Variants in PCDHGB4 observed in about 807,000 individuals in gnomAD.
The protein encoded by PCDHGB4 is protocadherin gamma subfamily B, 4, also known as protocadherin gamma-B4.
A neutral mutation model predicts 60.5 loss-of-function variants in PCDHGB4; 38 were observed. That is an observed-to-expected ratio of 0.63 (90% CI 0.48 to 0.82). The LOEUF is 0.82. Ranked by LOEUF, PCDHGB4 falls within the 40% of genes least tolerant of loss-of-function variation. PCDHGB4 has a pLI of 0.00. For synonymous variants in PCDHGB4, 456 were observed against 509.7 expected (o/e 0.89, Z 1.42); for missense variants, 1,109 against 1,209.6 (o/e 0.92, Z 1.23).
At position 141,490,162 on chromosome 5, in the gene PCDHGB4, A is replaced by G. The variant is rs1371128858; in HGVS notation, c.2398-4645A>G. The G allele has an allele frequency of 1.2e-6, 2 of 1,614,218 alleles. No individual in the cohort carries two copies. The highest frequency in any genetic ancestry group is 1.7e-6 in the Non-Finnish European group (2 of 1,180,028). ...TGGGGCAATCCATGTGTTGGGTCCCATAGACTTTGAGGAGTCACGTTTCTA... is the reference window on the plus strand; with the variant it reads ...TGGGGCAATCCATGTGTTGGGTCCCGTAGACTTTGAGGAGTCACGTTTCTA... On this transcript the variant is annotated intron_variant, in intron 1 of 3. Transcript: ENST00000519479. This position sits in a 1 kb window ranked among gnomAD's most constrained non-coding sequence, Gnocchi z 5.4.
intron 1 of PCDHGB4, among the ~76,000 whole-genome samples, chr5:141,439,459 A>C (rs558086952): frequency 6.6e-6 from 1 of 152,222 alleles, no homozygotes. Flanking sequence ...GCAAGACTGC[A>C]CTGCTGCCTT....
intron 1 of PCDHGB4, chr5:141,484,946 C>T (rs2154580274): frequency 3.6e-6 from 2 of 561,448 alleles, no homozygotes; most frequent in Non-Finnish European, 6.4e-6. Flanking sequence ...CTCTGCTCAG[C>T]CTATTGGCTG....
rs758428464 is a variant in PCDHGB4 at position 141,389,405 on chromosome 5, G to A, written c.1521G>A (p.Ala507=). 9.9e-6 allele frequency: 16 copies of A among 1,613,614 alleles called. No homozygotes were observed. ...TGTCATCCTACGTGTCCATAAGCGC[G>A]GAGAGCGGGGTGGTGTTCGCGCAGC... The part of the protein sequence containing the change: ...RELSSYVSIS[A]ESGVVFAQRA... Residue 507 remains alanine (A), a synonymous_variant, in exon 1 of 4, where the codon GCG becomes GCA. Coordinates refer to ENST00000519479, the MANE Select transcript of PCDHGB4 (RefSeq NM_003736.4).
chr5:141,439,012 A>G (rs968054607), intron 1 of PCDHGB4, among the ~76,000 whole-genome samples: 4 of 151,916 alleles, frequency 2.6e-5, no homozygotes, highest in South Asian at 2.1e-4. Context: ...TTTGTTTGTC[A>G]AATTTTGAAA....
chr5:141,420,993 C>T (rs956578377), intron 1 of PCDHGB4: 2 of 501,412 alleles, frequency 4.0e-6, no homozygotes, highest in Non-Finnish European at 7.0e-6. Context: ...GGCGCCGCTG[C>T]TCACCAATCA....
At chr5:141,494,171 G>A (rs72790068) in intron 1 of PCDHGB4, among the ~76,000 whole-genome samples, 9,520 of 152,240 alleles carry the variant, frequency 0.063, 348 homozygotes, top group South Asian at 0.11. Flanking sequence ...TTCTAGGGGT[G>A]AGAAGTGTCC....
In PCDHGB4 at chr5:141,389,430, C is replaced by T. The variant is rs2091763189; in HGVS notation, c.1546C>T (p.Arg516Cys). 6.2e-7 allele frequency: 1 copy of T among 1,610,546 alleles called. No homozygotes were observed. The highest frequency in any genetic ancestry group is 8.5e-7 in the Non-Finnish European group (1 of 1,178,388). The change falls in exon 1 of 4, where the codon CGC becomes TGC. Residue 516 changes from arginine (R) to cysteine (C), a missense_variant. Arg to Cys is a radical substitution (Grantham distance 180). Transcript: ENST00000519479. ...GGAGAGCGGGGTGGTGTTCGCGCAG[C>T]GCGCCTTCGACCACGAGCAGCTGCG... ...SAESGVVFAQ[R>C]AFDHEQLRAF...
chr5:141,388,809 G>A lies in PCDHGB4; in HGVS notation c.925G>A (p.Glu309Lys), dbSNP rs771582173. The A allele has an allele frequency of 1.2e-6, 2 of 1,613,930 alleles. No individual in the cohort carries two copies. Among genetic ancestry groups the A allele is most frequent in the Non-Finnish European group, 1.7e-6 (2 of 1,179,838 alleles). Reference protein sequence around the residue: ...ITVLNTLDFEEVKEYSIVLEA... With the variant: ...ITVLNTLDFEKVKEYSIVLEA... ...TGTTTTAAATACATTAGATTTTGAA[G>A]AAGTCAAAGAATATTCCATAGTTTT... is the stretch of plus-strand genomic sequence containing the variant. The change falls in exon 1 of 4, where the codon GAA becomes AAA. Residue 309 changes from glutamate to lysine, a missense_variant. Transcript: ENST00000519479.
At chr5:141,390,859 T>C (rs951468573) in intron 1 of PCDHGB4, 3 of 151,114 alleles carry the variant, frequency 2.0e-5, no homozygotes, top group Admixed American at 1.3e-4. Flanking sequence ...CAGTGTACGC[T>C]GTGTGTGCGT....
intron 1 of PCDHGB4, among the ~76,000 whole-genome samples, chr5:141,456,306 G>A (rs937409031): frequency 4.6e-5 from 7 of 152,158 alleles, no homozygotes; most frequent in Admixed American, 2.6e-4. Context: ...GAGAACAGCA[G>A]CTAGGGCTCC....
At chr5:141,455,375 G>A (rs1247820974) in intron 1 of PCDHGB4, among the ~76,000 whole-genome samples, 1 of 152,132 alleles carries the variant, frequency 6.6e-6, no homozygotes, top group Non-Finnish European at 1.5e-5. Context: ...GAAGGGAGAA[G>A]ACAGAAGGAA....
rs953803165 is a variant in PCDHGB4, at chr5:141,392,978, C to A, written c.2397+2697C>A. 2.5e-6 allele frequency: 4 copies of A among 1,613,808 alleles called. No individual in the cohort carries two copies. The highest frequency in any genetic ancestry group is 1.7e-4 in the Middle Eastern group (1 of 6,054). Reference sequence around the variant, plus strand: ...ATATCTCCAAGGACCTGGGGCTGGACCCCCGGAAGCTGGCGAAGCACGGAG... The same window carrying A: ...ATATCTCCAAGGACCTGGGGCTGGAACCCCGGAAGCTGGCGAAGCACGGAG... On this transcript the variant is annotated intron_variant, in intron 1 of 3. Coordinates refer to ENST00000519479, the MANE Select transcript of PCDHGB4 (RefSeq NM_003736.4).
At position 141,476,668 on chromosome 5, in the gene PCDHGB4, G is replaced by A; in HGVS notation, c.2398-18139G>A. The A allele has an allele frequency of 6.2e-7, 1 of 1,614,262 alleles. No individual in the cohort carries two copies. Among genetic ancestry groups the A allele is most frequent in the Non-Finnish European group, 8.5e-7 (1 of 1,180,054 alleles). On this transcript the variant is annotated intron_variant, in intron 1 of 3. Transcript: ENST00000519479. This position sits in a 1 kb window ranked among gnomAD's most constrained non-coding sequence, Gnocchi z 7.6. ...GAAATGAATACTTTGCGCTTCGCGT[G>A]CAGACGCGGGAGGACAGCACCAAGT...
rs530113846 is a variant in PCDHGB4, at chr5:141,389,147, G to A, written c.1263G>A (p.Thr421=). ...ATCCAGAGTACAATATAACCGTTAC[G>A]GCAACAGATCGGGGCAAGCCTCCCC... ...EQNPEYNITV[T]ATDRGKPPLS... is the part of the protein sequence containing the mutation. The change falls in exon 1 of 4, where the codon ACG becomes ACA. Residue 421 remains threonine, a synonymous_variant. Coordinates refer to ENST00000519479, the MANE Select transcript of PCDHGB4 (RefSeq NM_003736.4). 2 of 1,613,986 alleles carry A rather than the reference G, an allele frequency of 1.2e-6. No individual in the cohort carries two copies. The highest frequency in any genetic ancestry group is 1.1e-5 in the South Asian group (1 of 91,088).
At chr5:141,478,629 T>A in intron 1 of PCDHGB4, 1 of 1,553,688 alleles carries the variant, frequency 6.4e-7, no homozygotes, top group Non-Finnish European at 8.7e-7. Context: ...AGCTGTTTTT[T>A]TAGTGATGAA....
At position 141,410,204 on chromosome 5, in the gene PCDHGB4, T is replaced by C. The variant is rs1212919717; in HGVS notation, c.2397+19923T>C. 11 of 1,613,954 alleles carry C rather than the reference T, an allele frequency of 6.8e-6. No homozygotes were observed. In the South Asian group the frequency reaches 9.9e-5, roughly 14 times the overall value. Reference sequence around the variant, plus strand: ...GCTTCATCTGGTCTTCGCAGACAACTTGCAAGAGATACTGCCAGACCTCAG... The same window carrying C: ...GCTTCATCTGGTCTTCGCAGACAACCTGCAAGAGATACTGCCAGACCTCAG... On this transcript the variant is annotated intron_variant, in intron 1 of 3. Transcript: ENST00000519479.
Position 141,486,601 on chromosome 5 carries a change from C to A in PCDHGB4, c.2398-8206C>A, listed in dbSNP as rs770685748. On this transcript the variant is annotated intron_variant, in intron 1 of 3. Transcript: ENST00000519479. The surrounding 1 kb of genome is among the most constrained non-coding windows in gnomAD (Gnocchi z 5.0). ...ATCGCCCAGGGGACCTGCTTTGCTCCCTTGCAGCCTCTGACCCAGACTCTG... is the reference window on the plus strand; with the variant it reads ...ATCGCCCAGGGGACCTGCTTTGCTCACTTGCAGCCTCTGACCCAGACTCTG... The A allele has an allele frequency of 1.9e-6, 3 of 1,613,558 alleles. No homozygotes were observed. The highest frequency in any genetic ancestry group is 3.3e-5 in the Admixed American group (2 of 60,026).
At chr5:141,394,278 TACTC>T in intron 1 of PCDHGB4, 1 of 1,613,924 alleles carries the variant, frequency 6.2e-7, no homozygotes, top group East Asian at 2.2e-5. Flanking sequence ...CCAGGTCACT[TACTC>T]TGTGACCGAG....
intron 1 of PCDHGB4, chr5:141,420,939 C>A: frequency 2.6e-6 from 1 of 387,512 alleles, no homozygotes; most frequent in South Asian, 5.2e-5. Context: ...GTAATCATTT[C>A]TTCTGGAATT....
Sources: gnomAD v4.1 joint callset for allele counts (sites outside exome capture counted in the v4.1 genomes callset) on GRCh38, gnomAD v4.1.1 for gene constraint, Gnocchi (gnomAD v3.1) non-coding constraint, MANE v1.5 for transcripts, NCBI Gene and HGNC (gene_info 2026-07-23, HGNC 2026-07-21) for gene names.